Variants in ANO6 observed in about 807,000 individuals in gnomAD.
The protein encoded by ANO6 is anoctamin-6.
ANO6 carries 106 observed loss-of-function variants against 117.5 expected under a neutral mutation model. That is an observed-to-expected ratio of 0.90 (90% CI 0.77 to 1.06). The LOEUF (loss-of-function observed/expected upper bound fraction) is 1.06. Ranked by LOEUF, ANO6 falls within the 50% of genes least tolerant of loss-of-function variation. The pLI, the probability that ANO6 is intolerant of heterozygous loss-of-function variation, is 0.00. For synonymous variants in ANO6, 367 were observed against 385.1 expected (o/e 0.95, Z 0.55); for missense variants, 955 against 1,121.1 (o/e 0.85, Z 2.12).
At chr12:45,402,975 C>G in intron 13 of ANO6, 97 bp from the exon 14 acceptor site, 1 of 1,098,308 alleles carries the variant, frequency 9.1e-7, no homozygotes, top group Non-Finnish European at 1.3e-6. Context: ...ATTTTTTTAA[C>G]GTGTTTAACG....
At chr12:45,280,927 A>G (rs1356431079) in intron 1 of ANO6, among the ~76,000 whole-genome samples, 2 of 152,204 alleles carry the variant, frequency 1.3e-5, no homozygotes, top group East Asian at 3.9e-4. Flanking sequence ...TAATGCATAT[A>G]TAAATGCATG....
rs1322224697 is a variant in ANO6, at chr12:45,439,891, TC to T, written c.2744del (p.Ser915PhefsTer14). On this transcript the variant is annotated frameshift_variant, in exon 20 of 20. Coordinates refer to the ANO6 transcript ENST00000425752. LOFTEE classifies it high-confidence loss of function. The stretch of plus-strand genomic sequence containing the variant: ...TGTTACTTTCTTTTTCCTTCTACTT[TC>T]TTTGGGGCCAACTCCGTGTTTTTCT... The T allele has an allele frequency of 1.3e-6, 2 of 1,526,882 alleles. No individual in the cohort carries two copies. Among genetic ancestry groups the T allele is most frequent in the Admixed American group, 4.2e-5 (2 of 48,104 alleles). 94.6% of individuals were successfully genotyped at this position (1,526,882 alleles called of 1,614,324 possible). A position where few individuals can be genotyped will look rare whatever the true frequency, so the allele number is the denominator to read the frequency against.
chr12:45,323,933 G>GTT (rs1940370873), intron 2 of ANO6, among the ~76,000 whole-genome samples: 4 of 106,524 alleles, frequency 3.8e-5, no homozygotes, highest in Admixed American at 1.1e-4. Context: ...TGTTGTTGTT[G>GTT]TATTTTTTTT....
intron 12 of ANO6, among the ~76,000 whole-genome samples, chr12:45,392,071 G>T (rs2081591): frequency 0.049 from 7,391 of 152,252 alleles, 329 homozygotes; most frequent in African/African-American, 0.11. Context: ...GGAAGCACAA[G>T]GGGTCGGGCG....
intron 1 of ANO6, among the ~76,000 whole-genome samples, chr12:45,224,368 G>A (rs948698430): frequency 6.6e-6 from 1 of 152,128 alleles, no homozygotes; most frequent in African/African-American, 2.4e-5. Flanking sequence ...AGGGGATCAT[G>A]TTGTGTACAT....
At chr12:45,223,578 AT>A (rs1947437908) in intron 1 of ANO6, among the ~76,000 whole-genome samples, 1 of 151,986 alleles carries the variant, frequency 6.6e-6, no homozygotes, top group South Asian at 2.1e-4. Flanking sequence ...ATTCTCACTT[AT>A]TTTTTTGTTC....
At chr12:45,246,180 A>G (rs543278970) in intron 1 of ANO6, among the ~76,000 whole-genome samples, 1 of 152,324 alleles carries the variant, frequency 6.6e-6, no homozygotes, top group South Asian at 2.1e-4. Context: ...CTCACTTTTC[A>G]TAATATTATA....
chr12:45,438,297 T>C (rs904556236), intron 19 of ANO6, among the ~76,000 whole-genome samples: 1 of 152,058 alleles, frequency 6.6e-6, no homozygotes, highest in African/African-American at 2.4e-5. Flanking sequence ...GTGTAAGATA[T>C]ATATACACAC....
At position 45,275,682 on chromosome 12, in the gene ANO6, G is replaced by T. The variant is rs79197686; in HGVS notation, c.71-26332G>T. On this transcript the variant is annotated intron_variant, in intron 1 of 19. Coordinates refer to ENST00000320560, the MANE Select transcript of ANO6 (RefSeq NM_001025356.3). ...GTGTGTTGCTGCTTCCAATGGATAC[G>T]TTTCTATCTTACTGGATCTCTGAGT... 6.0e-3 allele frequency among the ~76,000 whole-genome samples: 918 copies of T among 152,202 alleles called. 14 individuals carry two copies. Among genetic ancestry groups the T allele is most frequent in the African/African-American group, 0.021 (872 of 41,518 alleles).
At chr12:45,285,999 GA>G (rs1265920014) in intron 1 of ANO6, among the ~76,000 whole-genome samples, 1 of 152,182 alleles carries the variant, frequency 6.6e-6, no homozygotes, top group Non-Finnish European at 1.5e-5. Context: ...AGCAGTAAGA[GA>G]ATGGCTGGGG....
intron 1 of ANO6, among the ~76,000 whole-genome samples, chr12:45,221,980 C>T (rs990508677): frequency 2.0e-5 from 3 of 148,564 alleles, no homozygotes; most frequent in Non-Finnish European, 3.0e-5. Context: ...CTCTTGGATT[C>T]ACTCCATTCT....
intron 1 of ANO6, among the ~76,000 whole-genome samples, chr12:45,294,398 A>G (rs1991085): frequency 0.95 from 145,098 of 152,260 alleles, 69,559 homozygotes; most frequent in East Asian, 1. Flanking sequence ...CTTCATGAAT[A>G]ACTTTCTTTT....
At chr12:45,237,374 T>A (rs1330618462) in intron 1 of ANO6, among the ~76,000 whole-genome samples, 1 of 152,246 alleles carries the variant, frequency 6.6e-6, no homozygotes, top group East Asian at 1.9e-4. Flanking sequence ...ACTTAAGTCT[T>A]TAATCCATCT....
intron 1 of ANO6, among the ~76,000 whole-genome samples, chr12:45,297,460 A>G (rs976346921): frequency 6.6e-6 from 1 of 152,230 alleles, no homozygotes; most frequent in Non-Finnish European, 1.5e-5. Flanking sequence ...TAAGTCTCAA[A>G]CAACTTTGCT....
chr12:45,378,167 T>G, intron 10 of ANO6, 54 bp downstream of exon 10: 1 of 1,535,018 alleles, frequency 6.5e-7, no homozygotes, highest in Non-Finnish European at 8.9e-7. Flanking sequence ...TACACAGTTT[T>G]ATGTAGGCTA....
At chr12:45,300,316 G>A (rs1939440111) in intron 1 of ANO6, among the ~76,000 whole-genome samples, 2 of 152,090 alleles carry the variant, frequency 1.3e-5, no homozygotes. Context: ...GAGTAGCTGG[G>A]AATACAGGTG....
Position 45,429,364 on chromosome 12 carries a change from T to C in ANO6, c.*53T>C. On this transcript the variant is annotated 3_prime_UTR_variant, in exon 20 of 20. Coordinates refer to ENST00000320560, the MANE Select transcript of ANO6 (RefSeq NM_001025356.3). ...AGGAATTTAGCTTTGTCAAAATATA[T>C]TAGGAATCACTAATGAGAATGTGTA... 1 of 1,588,302 alleles carries C rather than the reference T, an allele frequency of 6.3e-7. No individual in the cohort carries two copies. The highest frequency in any genetic ancestry group is 8.6e-7 in the Non-Finnish European group (1 of 1,168,264).
chr12:45,429,769 A>C lies in ANO6; in HGVS notation c.*458A>C, dbSNP rs982554524. ...AGTACCATCATTATAGATTTAATTT[A>C]ATAGCTTTCATGTGATTAAAAATAG... On this transcript the variant is annotated 3_prime_UTR_variant, in exon 20 of 20. Coordinates refer to ENST00000320560, the MANE Select transcript of ANO6 (RefSeq NM_001025356.3). The C allele has an allele frequency of 1.1e-5, 11 of 985,350 alleles. No individual in the cohort carries two copies. The highest frequency in any genetic ancestry group is 1.3e-5 in the Non-Finnish European group (11 of 827,716). 61.0% of individuals were successfully genotyped at this position (985,350 alleles called of 1,614,324 possible).
chr12:45,283,477 G>A (rs1938808345), intron 1 of ANO6, among the ~76,000 whole-genome samples: 1 of 152,318 alleles, frequency 6.6e-6, no homozygotes, highest in South Asian at 2.1e-4. Flanking sequence ...AGTTACTGCT[G>A]TATTTCCAGA....
Sources: gnomAD v4.1 joint callset for allele counts (sites outside exome capture counted in the v4.1 genomes callset) on GRCh38, gnomAD v4.1.1 for gene constraint, MANE v1.5 for transcripts, NCBI Gene and HGNC (gene_info 2026-07-23, HGNC 2026-07-21) for gene names.